Variants in FSTL5 observed in about 807,000 individuals in gnomAD.
FSTL5 encodes the protein follistatin like 5.
Under a neutral mutation model 89.1 loss-of-function variants are expected in FSTL5, and 62 were observed. The ratio of observed to expected loss-of-function variants is 0.70; its 90% CI spans 0.57 to 0.86. FSTL5 has a LOEUF of 0.86. Among genes scored for constraint, FSTL5 ranks in the 40% least tolerant of loss-of-function variants. The pLI is 0.00. For synonymous variants in FSTL5, 383 were observed against 346.2 expected (o/e 1.11, Z -1.18); for missense variants, 1,057 against 1,001.6 (o/e 1.06, Z -0.75).
intron 15 of FSTL5, among the ~76,000 whole-genome samples, chr4:161,451,578 A>T (rs1437081234): frequency 6.6e-6 from 1 of 152,230 alleles, no homozygotes; most frequent in African/African-American, 2.4e-5. Flanking sequence ...CAGTCCTTAG[A>T]AAGAAATGAA....
intron 12 of FSTL5, 96 bp from the exon 13 acceptor site, chr4:161,481,265 C>T: frequency 1.2e-6 from 1 of 811,908 alleles, no homozygotes; most frequent in Non-Finnish European, 1.9e-6. Flanking sequence ...TACTTTACTA[C>T]TTTCAGCATC....
At position 161,637,515 on chromosome 4, in the gene FSTL5, G is replaced by A. The variant is rs189223032; in HGVS notation, c.894+18813C>T. ...GTCGTTTGTTGCCATTGCTTTTGGT[G>A]TTTTGGACATGAAGTCCTTGCCCAT... On this transcript the variant is annotated intron_variant, in intron 7 of 15. Transcript: ENST00000306100. Among the ~76,000 whole-genome samples the A allele has an allele frequency of 3.4e-3, 518 of 151,922 alleles. 8 individuals are homozygous for A. Among genetic ancestry groups the A allele is most frequent in the African/African-American group, 0.012 (480 of 41,378 alleles).
At chr4:162,101,202 C>G (rs1343619872) in intron 2 of FSTL5, among the ~76,000 whole-genome samples, 20 of 152,178 alleles carry the variant, frequency 1.3e-4, no homozygotes, top group Non-Finnish European at 2.4e-4. Flanking sequence ...CATTGGCTCT[C>G]CCTGAAGAAC....
At chr4:161,458,817 C>CTA (rs1243468837) in intron 14 of FSTL5, among the ~76,000 whole-genome samples, 1 of 152,152 alleles carries the variant, frequency 6.6e-6, no homozygotes, top group Non-Finnish European at 1.5e-5. Context: ...ATAAGCCTCT[C>CTA]CTCAGATAAC....
At chr4:161,916,579 A>G (rs572237840) in intron 4 of FSTL5, among the ~76,000 whole-genome samples, 1 of 152,316 alleles carries the variant, frequency 6.6e-6, no homozygotes, top group East Asian at 1.9e-4. Context: ...CAATAAACAA[A>G]TGCTACAATA....
chr4:161,603,562 G>A (rs1337819063), intron 7 of FSTL5, among the ~76,000 whole-genome samples: 1 of 152,154 alleles, frequency 6.6e-6, no homozygotes, highest in Non-Finnish European at 1.5e-5. Context: ...ACAGAACTGA[G>A]AGAAAATAAA....
Position 161,556,846 on chromosome 4 carries a change from G to GTATATATATA in FSTL5, c.1016-14163_1016-14154dup, listed in dbSNP as rs561942481. Among the ~76,000 whole-genome samples the GTATATATATA allele has an allele frequency of 3.5e-5, 5 of 142,770 alleles. No homozygotes were observed. In the Admixed American group the frequency reaches 3.5e-4, roughly 10 times the overall value. 93.7% of individuals were successfully genotyped at this position (142,770 alleles called of 152,430 possible). On this transcript the variant is annotated intron_variant, in intron 8 of 15. Coordinates refer to ENST00000306100, the MANE Select transcript of FSTL5 (RefSeq NM_020116.5). ...TATATATATGTGTGTGTGTGTGTGT[G>GTATATATATA]TATATATATATATATAATCCTGGAT...
At chr4:161,900,874 G>GTTAATACAATTA (rs1388556811) in intron 4 of FSTL5, among the ~76,000 whole-genome samples, 6 of 151,852 alleles carry the variant, frequency 4.0e-5, no homozygotes, top group Admixed American at 3.3e-4. Context: ...TATTACAATA[G>GTTAATACAATTA]TTAAACATGT....
intron 10 of FSTL5, among the ~76,000 whole-genome samples, chr4:161,522,179 TAGC>T: frequency 6.6e-6 from 1 of 152,062 alleles, no homozygotes; most frequent in East Asian, 1.9e-4. Flanking sequence ...AAACAACAGA[TAGC>T]AGCTGCAGTT....
At chr4:161,484,621 A>G (rs1195369612) in intron 12 of FSTL5, among the ~76,000 whole-genome samples, 1 of 152,100 alleles carries the variant, frequency 6.6e-6, no homozygotes, top group East Asian at 1.9e-4. Flanking sequence ...CATGCTTCAC[A>G]TTGGCTTTCA....
At chr4:161,617,231 G>A (rs1191444818) in intron 7 of FSTL5, among the ~76,000 whole-genome samples, 1 of 151,784 alleles carries the variant, frequency 6.6e-6, no homozygotes, top group Non-Finnish European at 1.5e-5. Flanking sequence ...GTCAATTAGG[G>A]AACTTAAATA....
chr4:162,027,310 A>G (rs1368710794), intron 3 of FSTL5, among the ~76,000 whole-genome samples: 1 of 152,094 alleles, frequency 6.6e-6, no homozygotes. Flanking sequence ...AGCAATTTAG[A>G]GAGGTATTTA....
intron 12 of FSTL5, among the ~76,000 whole-genome samples, chr4:161,487,271 TG>T (rs900194741): frequency 6.6e-6 from 1 of 152,106 alleles, no homozygotes; most frequent in African/African-American, 2.4e-5. Flanking sequence ...AGTCAAGAAG[TG>T]GTGTATGTTA....
intron 6 of FSTL5, among the ~76,000 whole-genome samples, chr4:161,731,689 C>T (rs1354325766): frequency 6.6e-6 from 1 of 151,692 alleles, no homozygotes; most frequent in African/African-American, 2.4e-5. Flanking sequence ...AAAACAGTGA[C>T]TGTTTCTTGA....
intron 4 of FSTL5, among the ~76,000 whole-genome samples, chr4:161,788,975 A>T (rs375694081): frequency 3.3e-5 from 5 of 152,052 alleles, no homozygotes; most frequent in Admixed American, 6.6e-5. Flanking sequence ...AAAAACTAAG[A>T]TTTTCCCTTC....
chr4:161,995,767 G>GT (rs371077939), intron 3 of FSTL5, among the ~76,000 whole-genome samples: 2,899 of 136,948 alleles, frequency 0.021, 39 homozygotes, highest in African/African-American at 0.035. Flanking sequence ...CATGTAATGA[G>GT]TTTTTTTTTT....
At chr4:161,497,096 GT>G (rs1185204152) in intron 12 of FSTL5, among the ~76,000 whole-genome samples, 2 of 152,058 alleles carry the variant, frequency 1.3e-5, no homozygotes, top group Non-Finnish European at 2.9e-5. Context: ...TTACCTTCAT[GT>G]AAAAATTATT....
At chr4:161,784,129 T>G (rs2126813147) in intron 4 of FSTL5, among the ~76,000 whole-genome samples, 1 of 151,604 alleles carries the variant, frequency 6.6e-6, no homozygotes, top group Admixed American at 6.6e-5. Flanking sequence ...ATAGATGGGG[T>G]TTTGCCATGT....
At chr4:161,410,166 C>T (rs1426198014) in intron 15 of FSTL5, among the ~76,000 whole-genome samples, 1 of 151,992 alleles carries the variant, frequency 6.6e-6, no homozygotes. Flanking sequence ...AGGTACAATC[C>T]ACCAGGAAGC....
Sources: allele counts gnomAD v4.1 joint callset (sites outside exome capture counted in the v4.1 genomes callset), GRCh38; gene constraint gnomAD v4.1.1; transcripts MANE v1.5; gene names NCBI Gene and HGNC (gene_info 2026-07-23, HGNC 2026-07-21).